Variants in FAM53A observed in about 807,000 individuals in gnomAD.
FAM53A encodes the protein protein FAM53A.
Under a neutral mutation model 26.6 loss-of-function variants are expected in FAM53A, and 28 were observed. That is an observed-to-expected ratio of 1.05 (90% CI 0.78 to 1.45). The LOEUF is 1.45. Among genes scored for constraint, FAM53A ranks in the 40% most tolerant of loss-of-function variants. The pLI, the probability that FAM53A is intolerant of heterozygous loss-of-function variation, is 0.00. For missense variants in FAM53A, 650 were observed against 575.8 expected (o/e 1.13, Z -1.32); for synonymous variants, 290 against 253.1 (o/e 1.15, Z -1.38).
chr4:1,621,537 G>A (rs1715036785), intron 1 of FAM53A, among the ~76,000 whole-genome samples: 1 of 152,120 alleles, frequency 6.6e-6, no homozygotes, highest in Non-Finnish European at 1.5e-5. Flanking sequence ...GCAGCTTGGG[G>A]TGGGGGACAG....
rs1291171522 is a variant in FAM53A at position 1,664,011 on chromosome 4, C to T, written c.75+4656G>A. Among the ~76,000 whole-genome samples the T allele has an allele frequency of 2.6e-5, 4 of 152,248 alleles. No individual in the cohort carries two copies. The East Asian group carries it at 5.8e-4, about 22-fold the overall frequency. The stretch of plus-strand genomic sequence containing the variant: ...GCCGGGGCATGCAGCCTGGACACTC[C>T]GGGACAAGCAGCTGGGTCCTCAACA... On this transcript the variant is annotated intron_variant, in intron 2 of 4. Transcript: ENST00000308132.
rs374740640 is a variant in FAM53A, at chr4:1,622,264, C to T, written c.432-4153G>A. ...GGCTCATACTCTCCAGCCAGCGTGA[C>T]GGTCAGAGTGCAGCCCCCAGTGTGG... On this transcript the variant is annotated intron_variant, in intron 1 of 1. Coordinates refer to the FAM53A transcript ENST00000489029. Among the ~76,000 whole-genome samples, 89 of 152,312 alleles carry T rather than the reference C, an allele frequency of 5.8e-4. No homozygotes were observed. In the East Asian group the frequency reaches 0.012, roughly 21 times the overall value.
At chr4:1,655,782 C>A in intron 3 of FAM53A, 59 bp from the exon 4 acceptor site, 4 of 1,456,048 alleles carry the variant, frequency 2.7e-6, no homozygotes, top group Non-Finnish European at 3.6e-6. Flanking sequence ...GGGCAGGCGA[C>A]ATCCATCCCG....
chr4:1,628,244 G>A (rs182409252), intron 1 of FAM53A, among the ~76,000 whole-genome samples: 1 of 1,082 alleles, frequency 9.2e-4, no homozygotes, highest in Admixed American at 0.013. Flanking sequence ...AGGGTGGCAC[G>A]GGGGGAGGGT....
chr4:1,601,118 G>C, the FAM53A span, among the ~76,000 whole-genome samples: 1 of 152,246 alleles, frequency 6.6e-6, no homozygotes, highest in Admixed American at 6.5e-5. Flanking sequence ...AGGTGGGGGT[G>C]GGGGTTGGGA....
chr4:1,649,164 GGGGAAAGGGAAA>G (rs1257812301), intron 4 of FAM53A, among the ~76,000 whole-genome samples: 18 of 78,380 alleles, frequency 2.3e-4, no homozygotes, highest in African/African-American at 1.0e-3. Context: ...GGAAAGGGAA[GGGGAAAGGGAAA>G]GGGAAGGGGA....
At chr4:1,651,936 C>A (rs1712825792) in intron 4 of FAM53A, among the ~76,000 whole-genome samples, 2 of 151,602 alleles carry the variant, frequency 1.3e-5, no homozygotes, top group Admixed American at 6.6e-5. Context: ...AACCAGGCAC[C>A]CACCTATGCA....
At chr4:1,665,869 G>A (rs1180384479) in intron 2 of FAM53A, among the ~76,000 whole-genome samples, 4 of 152,028 alleles carry the variant, frequency 2.6e-5, no homozygotes, top group African/African-American at 7.3e-5. Flanking sequence ...GCTACCTACT[G>A]GGTACTGTGC....
At chr4:1,665,877 T>C (rs1714183973) in intron 2 of FAM53A, among the ~76,000 whole-genome samples, 1 of 152,034 alleles carries the variant, frequency 6.6e-6, no homozygotes, top group Non-Finnish European at 1.5e-5. Flanking sequence ...CTGGGTACTG[T>C]GCTCACAACC....
downstream of FAM53A, among the ~76,000 whole-genome samples, chr4:1,615,723 T>A (rs1404630633): frequency 1.3e-5 from 2 of 152,256 alleles, no homozygotes; most frequent in African/African-American, 2.4e-5. Context: ...TGTCCAAGAA[T>A]GACCACAAAA....
intron 2 of FAM53A, 62 bp from the exon 3 acceptor site, chr4:1,657,530 C>A: frequency 7.0e-7 from 1 of 1,426,346 alleles, no homozygotes. Flanking sequence ...AATAATATCC[C>A]CCATTTTCAT....
At chr4:1,643,253 T>C (rs1711905166) in intron 4 of FAM53A, among the ~76,000 whole-genome samples, 1 of 151,986 alleles carries the variant, frequency 6.6e-6, no homozygotes, top group Non-Finnish European at 1.5e-5. Context: ...GATCACGAGG[T>C]CAGGAGATCA....
the FAM53A span, among the ~76,000 whole-genome samples, chr4:1,603,920 C>T: frequency 2.0e-5 from 3 of 152,128 alleles, no homozygotes; most frequent in East Asian, 3.9e-4. Context: ...GTTCTCGGGG[C>T]GACAGGGCCA....
At chr4:1,590,888 T>G in the FAM53A span, among the ~76,000 whole-genome samples, 88 of 146,526 alleles carry the variant, frequency 6.0e-4, no homozygotes, top group Non-Finnish European at 1.0e-3. Context: ...CACAGTTTAG[T>G]CATATATTTC....
At chr4:1,592,810 G>T in the FAM53A span, among the ~76,000 whole-genome samples, 1 of 152,138 alleles carries the variant, frequency 6.6e-6, no homozygotes, top group Admixed American at 6.5e-5. Flanking sequence ...GGCCGCGGGG[G>T]CGCCTGAGTG....
At chr4:1,642,521 A>T (rs1245718637) in intron 4 of FAM53A, among the ~76,000 whole-genome samples, 1 of 151,850 alleles carries the variant, frequency 6.6e-6, no homozygotes, top group Non-Finnish European at 1.5e-5. Flanking sequence ...CCCCAACCAG[A>T]GCACTCTGAG....
At chr4:1,582,945 G>A in the FAM53A span, among the ~76,000 whole-genome samples, 3 of 152,228 alleles carry the variant, frequency 2.0e-5, no homozygotes, top group Non-Finnish European at 4.4e-5. Context: ...GAAGGGATCA[G>A]CCTGGATGAG....
upstream of FAM53A, among the ~76,000 whole-genome samples, chr4:1,685,107 C>G (rs1049649372): frequency 5.3e-5 from 8 of 152,150 alleles, no homozygotes; most frequent in African/African-American, 1.9e-4. Flanking sequence ...TGAGATGAGC[C>G]GCCTGACCCA....
At chr4:1,593,841 AAC>A in the FAM53A span, among the ~76,000 whole-genome samples, 1 of 152,186 alleles carries the variant, frequency 6.6e-6, no homozygotes, top group Admixed American at 6.5e-5. Flanking sequence ...TGATCAAATT[AAC>A]AGTTTTTACT....
Sources: gnomAD v4.1 joint callset for allele counts (sites outside exome capture counted in the v4.1 genomes callset) on GRCh38, gnomAD v4.1.1 for gene constraint, MANE v1.5 for transcripts, NCBI Gene and HGNC (gene_info 2026-07-23, HGNC 2026-07-21) for gene names.